The following KANK1 variants were observed in gnomAD, a reference collection of about 807,000 sequenced individuals.
KANK1 encodes KN motif and ankyrin repeat domain-containing protein 1.
In KANK1, 109 loss-of-function variants were observed where a neutral mutation model predicts 106.2. The observed-to-expected ratio is 1.03, with a 90% CI of 0.88 to 1.20. The LOEUF is 1.20. KANK1 is among the 50% of genes most tolerant of loss of function. The pLI is 0.00. For synonymous variants in KANK1, 873 were observed against 652.2 expected, an observed-to-expected ratio of 1.34 and a Z score of -5.16; for missense variants, 2,399 against 1,710.7, an observed-to-expected ratio of 1.40 and a Z score of -7.10.
chr9:687,295 A>T (rs985329701), intron 2 of KANK1, among the ~76,000 whole-genome samples: 3 of 152,092 alleles, frequency 2.0e-5, no homozygotes, highest in Non-Finnish European at 4.4e-5. Context: ...GTATGTAAGG[A>T]TGGCTGGCAA....
At chr9:736,119 G>A (rs890782034) in intron 7 of KANK1, among the ~76,000 whole-genome samples, 41 of 152,078 alleles carry the variant, frequency 2.7e-4, no homozygotes, top group African/African-American at 9.7e-4. Context: ...CACAACGCCC[G>A]GCTAATTTTT....
chr9:561,841 G>C (rs1156811733), intron 1 of KANK1, among the ~76,000 whole-genome samples: 1 of 152,202 alleles, frequency 6.6e-6, no homozygotes, highest in Non-Finnish European at 1.5e-5. Context: ...TCAAGAGTCT[G>C]TAACAGAGAA....
In KANK1 at chr9:542,265, C is replaced by T. The variant is rs77274037; in HGVS notation, c.-84+37511C>T. Among the ~76,000 whole-genome samples the T allele has an allele frequency of 9.2e-3, 1,405 of 152,280 alleles. 4 individuals carry two copies. The highest frequency in any genetic ancestry group is 0.014 in the Non-Finnish European group (939 of 68,018). On this transcript the variant is annotated intron_variant, in intron 1 of 11. Transcript: ENST00000382297. ...TGTAAATCCCAGCACTTTGGGAGGC[C>T]GAGGCAGGCAGATCACTTGAGGTCA...
At chr9:495,989 A>C (rs1466019124) in intron 3 of KANK1, among the ~76,000 whole-genome samples, 1 of 151,930 alleles carries the variant, frequency 6.6e-6, no homozygotes, top group Non-Finnish European at 1.5e-5. Context: ...ACACACACAC[A>C]CCACAATGCA....
chr9:533,855 A>T (rs1253156737), intron 1 of KANK1, among the ~76,000 whole-genome samples: 1 of 152,214 alleles, frequency 6.6e-6, no homozygotes, highest in Non-Finnish European at 1.5e-5. Flanking sequence ...GTTGCCTCTA[A>T]GCCATGCCTC....
chr9:737,551 C>T (rs1318905326), intron 7 of KANK1, among the ~76,000 whole-genome samples: 1 of 152,206 alleles, frequency 6.6e-6, no homozygotes, highest in South Asian at 2.1e-4. Flanking sequence ...GTTGATCATC[C>T]ACAAAGCAAG....
chr9:633,330 C>T (rs986261337), intron 1 of KANK1, among the ~76,000 whole-genome samples: 6 of 151,924 alleles, frequency 3.9e-5, no homozygotes, highest in Non-Finnish European at 7.4e-5. Flanking sequence ...TGGTGGCGGG[C>T]GCCTGTAGTC....
chr9:634,728 G>A (rs1198840987), intron 1 of KANK1, among the ~76,000 whole-genome samples: 1 of 152,170 alleles, frequency 6.6e-6, no homozygotes, highest in Admixed American at 6.5e-5. Flanking sequence ...CCCATGCCCA[G>A]GAATGAACCA....
chr9:577,879 C>T, intron 1 of KANK1, among the ~76,000 whole-genome samples: 1 of 152,166 alleles, frequency 6.6e-6, no homozygotes, highest in African/African-American at 2.4e-5. Flanking sequence ...AAAGCTGTTT[C>T]ACCTGTAAAC....
intron 3 of KANK1, among the ~76,000 whole-genome samples, chr9:483,724 TCTC>T (rs1410332087): frequency 6.6e-6 from 1 of 152,164 alleles, no homozygotes; most frequent in African/African-American, 2.4e-5. Context: ...GAAAATGTAT[TCTC>T]CTGGCTTTCT....
rs36072780 is a variant in KANK1, at chr9:528,469, C to CTTTT, written c.-84+23742_-84+23745dup. Reference sequence around the variant, plus strand: ...ACCATTTTACTGAATTAAAAAATAACTTTTTTTTTTTTTTTTTTTTTTTTT... The same window carrying CTTTT: ...ACCATTTTACTGAATTAAAAAATAACTTTTTTTTTTTTTTTTTTTTTTTTTTTTT... On this transcript the variant is annotated intron_variant, in intron 1 of 11. Transcript: ENST00000382297. Among the ~76,000 whole-genome samples the CTTTT allele has an allele frequency of 5.1e-4, 43 of 85,106 alleles. 5 individuals carry two copies. The highest frequency in any genetic ancestry group is 1.4e-3 in the African/African-American group (32 of 23,606). The allele number at this position is 85,106 out of a possible 152,430, so 55.8% of individuals were successfully genotyped here.
chr9:507,648 C>G (rs1404849875), intron 1 of KANK1, among the ~76,000 whole-genome samples: 1 of 151,566 alleles, frequency 6.6e-6, no homozygotes, highest in Non-Finnish European at 1.5e-5. Context: ...CCTCCGCCTC[C>G]TGGGTTCAAG....
chr9:541,925 TA>T (rs1160752506), intron 1 of KANK1, among the ~76,000 whole-genome samples: 1 of 150,898 alleles, frequency 6.6e-6, no homozygotes, highest in African/African-American at 2.4e-5. Flanking sequence ...CCGTCTCTAC[TA>T]AAAATACAAA....
At chr9:625,395 A>C (rs1355012818) in intron 1 of KANK1, among the ~76,000 whole-genome samples, 1 of 152,194 alleles carries the variant, frequency 6.6e-6, no homozygotes, top group Non-Finnish European at 1.5e-5. Context: ...ACTGAGGTGA[A>C]ATAAACCTTG....
At chr9:518,137 CA>C (rs1167796392) in intron 1 of KANK1, among the ~76,000 whole-genome samples, 1 of 151,748 alleles carries the variant, frequency 6.6e-6, no homozygotes, top group Non-Finnish European at 1.5e-5. Context: ...ACTTTGATAG[CA>C]AAAGGAGGAA....
intron 3 of KANK1, among the ~76,000 whole-genome samples, chr9:497,883 A>C (rs1587266106): frequency 6.6e-6 from 1 of 152,076 alleles, no homozygotes; most frequent in East Asian, 1.9e-4. Flanking sequence ...CCACACACAC[A>C]AGAGTATAAA....
chr9:662,484 C>T (rs532325195), intron 1 of KANK1, among the ~76,000 whole-genome samples: 50 of 152,154 alleles, frequency 3.3e-4, no homozygotes, highest in African/African-American at 1.2e-3. Flanking sequence ...CAGAGATAGA[C>T]ACTAATGGAA....
intron 1 of KANK1, among the ~76,000 whole-genome samples, chr9:559,298 T>C (rs1815746450): frequency 6.6e-6 from 1 of 152,182 alleles, no homozygotes; most frequent in African/African-American, 2.4e-5. Context: ...TTTTTGTGCA[T>C]TGAAGGTTTT....
chr9:569,450 C>G (rs183296728), intron 1 of KANK1, among the ~76,000 whole-genome samples: 1 of 152,078 alleles, frequency 6.6e-6, no homozygotes, highest in East Asian at 1.9e-4. Context: ...GAGGAAGGGA[C>G]CTGAGCTAGC....
Sources: allele counts gnomAD v4.1 joint callset (sites outside exome capture counted in the v4.1 genomes callset), GRCh38; gene constraint gnomAD v4.1.1; transcripts MANE v1.5; gene names NCBI Gene and HGNC (gene_info 2026-07-23, HGNC 2026-07-21).